Variants in SNRPN observed in about 807,000 individuals in gnomAD.
SNRPN encodes small nuclear ribonucleoprotein-associated protein N.
SNRPN carries 7 observed loss-of-function variants against 25.2 expected under a neutral mutation model. The observed-to-expected ratio is 0.28, with a 90% confidence interval of 0.16 to 0.52. The LOEUF (loss-of-function observed/expected upper bound fraction) is 0.52, where lower values mean the gene tolerates loss of function less well. Among genes scored for constraint, SNRPN ranks in the 20% least tolerant of loss-of-function variants. SNRPN has a pLI of 0.96. For missense variants in SNRPN, 196 were observed against 322.5 expected, an observed-to-expected ratio of 0.61 and a Z score of 3.00; for synonymous variants, 124 against 110.6, an observed-to-expected ratio of 1.12 and a Z score of -0.76.
chr15:24,965,429 C>T (rs1007148800), intron 2 of SNRPN, among the ~76,000 whole-genome samples: 9 of 152,076 alleles, frequency 5.9e-5, no homozygotes, highest in Non-Finnish European at 2.9e-5. Flanking sequence ...CCCAGCTACT[C>T]AGGAGGCTGA....
intron 2 of SNRPN, among the ~76,000 whole-genome samples, chr15:24,890,398 T>G (rs1298983760): frequency 2.0e-5 from 3 of 152,128 alleles, no homozygotes; most frequent in Non-Finnish European, 4.4e-5. Context: ...CCTATCCAGC[T>G]GGGCACAGTG....
chr15:24,826,098 T>A (rs1325927949), intron 1 of SNRPN, among the ~76,000 whole-genome samples: 1 of 152,092 alleles, frequency 6.6e-6, no homozygotes, highest in Non-Finnish European at 1.5e-5. Flanking sequence ...ATGAAAGAGT[T>A]GAAGGCCAAC....
intron 1 of SNRPN, chr15:24,856,733 CT>C (rs1350887054): frequency 6.6e-6 from 1 of 152,160 alleles, no homozygotes; most frequent in Non-Finnish European, 1.5e-5. Flanking sequence ...TTCATTCTTG[CT>C]TTTGTGTTTT....
At chr15:24,951,982 T>A (rs1271161332), upstream of SNRPN, among the ~76,000 whole-genome samples, 1 of 152,194 alleles carries the variant, frequency 6.6e-6, no homozygotes, top group Non-Finnish European at 1.5e-5. Flanking sequence ...TGGTTGCTTT[T>A]GTTTTAGGTG....
chr15:24,957,357 T>C (rs1056629898), intron 1 of SNRPN, among the ~76,000 whole-genome samples: 1 of 152,188 alleles, frequency 6.6e-6, no homozygotes, highest in Non-Finnish European at 1.5e-5. Context: ...GAGACAATCT[T>C]ATTGGGGTGG....
chr15:24,918,739 T>C, intron 2 of SNRPN, among the ~76,000 whole-genome samples: 2 of 92,674 alleles, frequency 2.2e-5, no homozygotes, highest in South Asian at 4.0e-4. Flanking sequence ...TGTGTGCATA[T>C]ATATAACATA....
chr15:24,876,435 G>A (rs2055885117), intron 1 of SNRPN, among the ~76,000 whole-genome samples: 2 of 152,030 alleles, frequency 1.3e-5, no homozygotes, highest in Admixed American at 1.3e-4. Context: ...TGGCCAACAT[G>A]GTGAAACGTC....
intron 2 of SNRPN, among the ~76,000 whole-genome samples, chr15:24,834,114 C>T (rs976220066): frequency 1.1e-4 from 17 of 152,124 alleles, no homozygotes; most frequent in African/African-American, 2.7e-4. Flanking sequence ...TTAGTAGAGA[C>T]GGGGTTTCAC....
intron 1 of SNRPN, among the ~76,000 whole-genome samples, chr15:24,825,126 G>C (rs1172480456): frequency 1.3e-5 from 2 of 151,998 alleles, no homozygotes; most frequent in Non-Finnish European, 2.9e-5. Flanking sequence ...TCACATTATT[G>C]ATAGAGCTTT....
intron 1 of SNRPN, among the ~76,000 whole-genome samples, chr15:24,870,050 T>TGGC (rs2054944169): frequency 6.6e-6 from 1 of 152,124 alleles, no homozygotes; most frequent in Non-Finnish European, 1.5e-5. Context: ...GGTCTCTCAG[T>TGGC]TGGCTCCCAT....
At chr15:24,837,024 C>T (rs2051256321) in intron 2 of SNRPN, among the ~76,000 whole-genome samples, 1 of 152,042 alleles carries the variant, frequency 6.6e-6, no homozygotes. Flanking sequence ...AGTTTTCTGT[C>T]TCCTCCAGCT....
intron 2 of SNRPN, among the ~76,000 whole-genome samples, chr15:24,839,957 A>G (rs777064001): frequency 1.5e-4 from 23 of 152,356 alleles, no homozygotes; most frequent in South Asian, 1.0e-3. Flanking sequence ...CTTGTGAGCC[A>G]TCCAGAGAGA....
chr15:24,899,748 T>G (rs529381292), intron 2 of SNRPN, among the ~76,000 whole-genome samples: 26 of 152,226 alleles, frequency 1.7e-4, no homozygotes, highest in Non-Finnish European at 3.2e-4. Context: ...GTTCCACTGG[T>G]GCCGCACACT....
At chr15:24,958,497 T>C (rs993795562) in intron 1 of SNRPN, among the ~76,000 whole-genome samples, 2 of 130,584 alleles carry the variant, frequency 1.5e-5, no homozygotes, top group African/African-American at 5.9e-5. Flanking sequence ...TTTTTTTTTT[T>C]TTTTTTTTTT....
At chr15:24,917,656 C>A (rs886118651) in intron 2 of SNRPN, among the ~76,000 whole-genome samples, 25 of 152,360 alleles carry the variant, frequency 1.6e-4, no homozygotes, top group African/African-American at 5.0e-4. Context: ...GCCAAACCCG[C>A]CCTGGTCTGC....
intron 3 of SNRPN, among the ~76,000 whole-genome samples, chr15:24,926,544 C>T (rs2060392232): frequency 6.6e-6 from 1 of 151,902 alleles, no homozygotes; most frequent in South Asian, 2.1e-4. Context: ...AATTCAGAGG[C>T]AAATGTGATA....
intron 2 of SNRPN, among the ~76,000 whole-genome samples, chr15:24,895,572 G>A (rs558788258): frequency 6.6e-6 from 1 of 152,042 alleles, no homozygotes; most frequent in South Asian, 2.1e-4. Flanking sequence ...ATTTGGTATT[G>A]GAAATTGATG....
At chr15:24,919,817 C>T (rs2059930694) in intron 2 of SNRPN, among the ~76,000 whole-genome samples, 1 of 152,122 alleles carries the variant, frequency 6.6e-6, no homozygotes, top group African/African-American at 2.4e-5. Context: ...GTTCAGGTGC[C>T]TGACTAATGT....
At chr15:24,824,160 T>C (rs1457476480) in intron 1 of SNRPN, among the ~76,000 whole-genome samples, 1 of 152,110 alleles carries the variant, frequency 6.6e-6, no homozygotes, top group East Asian at 1.9e-4. Context: ...GTCAGAGACT[T>C]TCCTGAGAGC....
Sources: allele counts gnomAD v4.1 joint callset (sites outside exome capture counted in the v4.1 genomes callset), GRCh38; gene constraint gnomAD v4.1.1; transcripts MANE v1.5; gene names NCBI Gene and HGNC (gene_info 2026-07-23, HGNC 2026-07-21).